MAP3K15: variants seen among roughly 807,000 people sequenced by gnomAD.
MAP3K15 encodes the protein mitogen-activated protein kinase kinase kinase 15, also known as MAPK/ERK kinase kinase 15.
In MAP3K15, 124 loss-of-function variants were observed where a neutral mutation model predicts 99.5. That is an observed-to-expected ratio of 1.25 (90% CI 1.08 to 1.45). MAP3K15 has a LOEUF of 1.45. Ranked by LOEUF, MAP3K15 falls within the 40% of genes most tolerant of loss-of-function variation. MAP3K15 has a pLI of 0.00. For missense variants in MAP3K15, 1,242 were observed against 1,079.7 expected, an observed-to-expected ratio of 1.15 and a Z score of -2.11; for synonymous variants, 494 against 439.6, an observed-to-expected ratio of 1.12 and a Z score of -1.55.
chrX:19,391,674 CAA>C lies in MAP3K15; in HGVS notation c.2431+326_2431+327del, dbSNP rs759061873. 1.1e-3 allele frequency among the ~76,000 whole-genome samples: 31 copies of C among 28,511 alleles called. 1 individual carries two copies. Among genetic ancestry groups the C allele is most frequent in the African/African-American group, 2.8e-3 (26 of 9,377 alleles). The allele number at this position is 28,511 out of a possible 115,157, so 24.8% of individuals were successfully genotyped here. On this transcript the variant is annotated intron_variant, in intron 18 of 28. Coordinates refer to ENST00000338883, the MANE Select transcript of MAP3K15 (RefSeq NM_001001671.4). The stretch of plus-strand genomic sequence containing the variant: ...TAGGCGACAGAGTGAGACCCCGTCT[CAA>C]AAAAAAAAAAAAAAAAAAAAGAAAG...
chrX:19,431,273 T>C (rs1285094354), intron 7 of MAP3K15, among the ~76,000 whole-genome samples, 165 bp downstream of exon 7: 2 of 111,106 alleles, frequency 1.8e-5, no homozygotes, highest in Non-Finnish European at 3.8e-5. Flanking sequence ...CTCATGGTTT[T>C]CTCTCAAAAA....
At chrX:19,368,736 G>A (rs1460054879) in intron 25 of MAP3K15, among the ~76,000 whole-genome samples, 3 of 111,323 alleles carry the variant, frequency 2.7e-5, no homozygotes, top group East Asian at 2.8e-4. Flanking sequence ...CAGGGGCCCC[G>A]TCTTGGTGAA....
At chrX:19,448,967 G>A (rs1241309558) in intron 6 of MAP3K15, among the ~76,000 whole-genome samples, 1 of 109,353 alleles carries the variant, frequency 9.1e-6, no homozygotes, top group Non-Finnish European at 1.9e-5. Context: ...AGTTTTGTGG[G>A]TTGTAAACAG....
chrX:19,438,100 C>T (rs2063934933), intron 6 of MAP3K15, among the ~76,000 whole-genome samples: 1 of 111,236 alleles, frequency 9.0e-6, no homozygotes, highest in South Asian at 3.8e-4. Flanking sequence ...CAAACATATT[C>T]ATCTATTATC....
At chrX:19,410,819 C>T (rs1233740338) in intron 11 of MAP3K15, among the ~76,000 whole-genome samples, 1 of 111,679 alleles carries the variant, frequency 9.0e-6, no homozygotes, top group Non-Finnish European at 1.9e-5. Flanking sequence ...ATCTGAAACT[C>T]CAGTTTTGGA....
At chrX:19,493,632 T>C (rs976834108) in intron 1 of MAP3K15, among the ~76,000 whole-genome samples, 2 of 111,963 alleles carry the variant, frequency 1.8e-5, no homozygotes, top group African/African-American at 6.5e-5. Context: ...ACCAGTTACC[T>C]AAAACCTTTC....
intron 9 of MAP3K15, among the ~76,000 whole-genome samples, chrX:19,415,524 TG>T (rs1038302243): frequency 5.4e-5 from 6 of 111,701 alleles, no homozygotes; most frequent in Non-Finnish European, 1.1e-4. Context: ...GCCTAAAATG[TG>T]GAGATTGGAA....
chrX:19,456,745 G>A (rs753003415), intron 6 of MAP3K15, among the ~76,000 whole-genome samples, 168 bp downstream of exon 6: 1 of 112,048 alleles, frequency 8.9e-6, no homozygotes, highest in Admixed American at 9.5e-5. Flanking sequence ...CAGCTAGAAT[G>A]TGTATGCCAA....
intron 6 of MAP3K15, among the ~76,000 whole-genome samples, chrX:19,453,340 A>C (rs1306701504): frequency 9.1e-6 from 1 of 109,424 alleles, no homozygotes; most frequent in Non-Finnish European, 1.9e-5. Context: ...GTCTCTACTA[A>C]AATACAAATA....
At chrX:19,410,748 A>G (rs1248330183) in intron 11 of MAP3K15, among the ~76,000 whole-genome samples, 4 of 112,072 alleles carry the variant, frequency 3.6e-5, no homozygotes, top group Non-Finnish European at 5.6e-5. Flanking sequence ...AACAAAAACT[A>G]ACTCGGTCCC....
rs994775242 is a variant in MAP3K15 at position 19,449,867 on chromosome X, C to T, written c.995+7046G>A. ...AAAGGTATGTTATTTTAAATATTGT[C>T]TGTGGTGGCAATCTCTGTATTTTGC... On this transcript the variant is annotated intron_variant, in intron 6 of 28. Coordinates refer to ENST00000338883, the MANE Select transcript of MAP3K15 (RefSeq NM_001001671.4). 2.8e-5 allele frequency among the ~76,000 whole-genome samples: 3 copies of T among 108,589 alleles called. No homozygotes were observed. The Admixed American group carries it at 2.9e-4, about 11-fold the overall frequency. The allele number at this position is 108,589 out of a possible 115,157, so 94.3% of individuals were successfully genotyped here.
intron 3 of MAP3K15, chrX:19,482,262 T>C (rs1168152333): frequency 9.6e-5 from 10 of 104,209 alleles, no homozygotes; most frequent in African/African-American, 3.1e-4. Flanking sequence ...AAAAAAAAAA[T>C]GTGCCCACAC....
chrX:19,456,307 C>G (rs1333297508), intron 6 of MAP3K15, among the ~76,000 whole-genome samples: 2 of 111,840 alleles, frequency 1.8e-5, no homozygotes, highest in Non-Finnish European at 3.8e-5. Flanking sequence ...GCAATGAGAA[C>G]GAACAAACCA....
At chrX:19,407,603 G>A (rs1156474994) in intron 12 of MAP3K15, among the ~76,000 whole-genome samples, 5 of 112,382 alleles carry the variant, frequency 4.4e-5, no homozygotes, top group African/African-American at 1.6e-4. Flanking sequence ...ATAATCTCAT[G>A]AAAAAGAAAG....
intron 3 of MAP3K15, among the ~76,000 whole-genome samples, chrX:19,479,799 T>C (rs1289201794): frequency 8.9e-6 from 1 of 112,084 alleles, no homozygotes; most frequent in East Asian, 2.8e-4. Context: ...CTGCAGAAAG[T>C]GGCTATCTCT....
chrX:19,408,474 A>G (rs1602280230), intron 12 of MAP3K15: 2 of 149,507 alleles, frequency 1.3e-5, no homozygotes, highest in Non-Finnish European at 1.4e-5. Context: ...CCAACATGGC[A>G]AAACCCTGAC....
At chrX:19,392,637 A>C (rs1235370303) in intron 16 of MAP3K15, among the ~76,000 whole-genome samples, 164 bp from the exon 17 acceptor site, 1 of 111,949 alleles carries the variant, frequency 8.9e-6, no homozygotes, top group Non-Finnish European at 1.9e-5. Flanking sequence ...AGCTACAGCC[A>C]GGGAATGGAC....
chrX:19,384,674 T>A (rs1408590048), intron 18 of MAP3K15, among the ~76,000 whole-genome samples: 3 of 98,180 alleles, frequency 3.1e-5, no homozygotes, highest in African/African-American at 7.8e-5. Flanking sequence ...GCCCATGAAG[T>A]TGGGGCTGCA....
At chrX:19,452,552 T>C (rs1381902626) in intron 6 of MAP3K15, among the ~76,000 whole-genome samples, 1 of 112,230 alleles carries the variant, frequency 8.9e-6, no homozygotes, top group East Asian at 2.8e-4. Flanking sequence ...ATGTTAATAG[T>C]AGCACTATCC....
Sources: gnomAD v4.1 joint callset for allele counts (sites outside exome capture counted in the v4.1 genomes callset) on GRCh38, gnomAD v4.1.1 for gene constraint, MANE v1.5 for transcripts, NCBI Gene and HGNC (gene_info 2026-07-23, HGNC 2026-07-21) for gene names.